The following NRP2 variants were observed in gnomAD, a reference collection of about 807,000 sequenced individuals.
NRP2 encodes the protein neuropilin-2.
NRP2 carries 52 observed loss-of-function variants against 110.4 expected under a neutral mutation model. The ratio of observed to expected loss-of-function variants is 0.47; its 90% CI spans 0.38 to 0.59. NRP2 has a LOEUF of 0.59. Ranked by LOEUF, NRP2 falls within the 20% of genes least tolerant of loss-of-function variation. The probability of loss-of-function intolerance (pLI) is 0.00; values close to 1 mark genes in which losing one functional copy is unlikely to be tolerated. For synonymous variants in NRP2, 508 were observed against 468.9 expected, an observed-to-expected ratio of 1.08 and a Z score of -1.08; for missense variants, 1,049 against 1,203.0, an observed-to-expected ratio of 0.87 and a Z score of 1.89.
chr2:205,777,047 C>T, intron 15 of NRP2: 1 of 1,002,376 alleles, frequency 1.0e-6, no homozygotes, highest in Non-Finnish European at 1.2e-6. Context: ...AGAGAGGGCC[C>T]CTTTAACTCT....
Position 205,763,877 on chromosome 2 carries a change from C to T in NRP2, c.2248C>T (p.Gln750Ter). 1 of 1,614,084 alleles carries T rather than the reference C, an allele frequency of 6.2e-7. No individual in the cohort carries two copies. The highest frequency in any genetic ancestry group is 8.5e-7 in the Non-Finnish European group (1 of 1,179,966). ...SKLLWVIREDQGGEWKHGRII... is the reference protein window; with the variant it reads ...SKLLWVIRED ...GTTGCTGTGGGTCATCCGTGAGGAC[C>T]AGGGCGGCGAGTGGAAGCACGGGCG... is the stretch of plus-strand genomic sequence containing the variant. The change falls in exon 13 of 17, where the codon CAG (glutamine) becomes TAG (stop). Residue 750 changes from glutamine to a stop codon, truncating the protein, a stop_gained. Transcript: ENST00000357785. LOFTEE classifies it high-confidence loss of function. The surrounding 1 kb of genome is among the most constrained non-coding windows in gnomAD (Gnocchi z 4.0).
chr2:205,789,565 G>A (rs2058274642), intron 15 of NRP2, among the ~76,000 whole-genome samples: 1 of 152,188 alleles, frequency 6.6e-6, no homozygotes, highest in Non-Finnish European at 1.5e-5. Flanking sequence ...CGGCAGCTAG[G>A]TCTGCCATCC....
rs1323271636 is a variant in NRP2 at position 205,795,027 on chromosome 2, T to C, written c.2750T>C (p.Met917Thr). ...LYDGLKHKVK[M>T]NHQKCCSEA ...GATGGCCTTAAGCACAAGGTCAAGA[T>C]GAACCACCAAAAGTGCTGCTCCGAG... Residue 917 changes from methionine to threonine, a missense_variant, in exon 17 of 17, where the codon ATG (methionine) becomes ACG (threonine). Met to Thr is a moderately conservative substitution (Grantham distance 81). Coordinates refer to ENST00000357785, the MANE Select transcript of NRP2 (RefSeq NM_003872.3). 2 of 1,614,044 alleles carry C rather than the reference T, an allele frequency of 1.2e-6. No homozygotes were observed. Among genetic ancestry groups the C allele is most frequent in the Non-Finnish European group, 1.7e-6 (2 of 1,180,030 alleles).
intron 12 of NRP2, among the ~76,000 whole-genome samples, chr2:205,759,267 G>T (rs985939225): frequency 1.3e-5 from 2 of 152,222 alleles, no homozygotes; most frequent in Non-Finnish European, 2.9e-5. Context: ...ATGTCTCTAA[G>T]TTGGAAAACA....
At chr2:205,692,561 A>G (rs760697441) in intron 1 of NRP2, among the ~76,000 whole-genome samples, 33 of 152,232 alleles carry the variant, frequency 2.2e-4, no homozygotes, top group Non-Finnish European at 4.6e-4. Context: ...ACATGCTCAC[A>G]CACAGAACTG....
At chr2:205,787,159 G>C (rs556122820) in intron 15 of NRP2, among the ~76,000 whole-genome samples, 233 of 152,282 alleles carry the variant, frequency 1.5e-3, no homozygotes, top group African/African-American at 5.0e-3. Flanking sequence ...CAGAGACCCA[G>C]GGAGGTCAAT....
intron 8 of NRP2, among the ~76,000 whole-genome samples, chr2:205,741,883 C>G (rs1212503636): frequency 3.3e-5 from 5 of 152,222 alleles, no homozygotes; most frequent in African/African-American, 1.2e-4. Flanking sequence ...GAAACCAAGA[C>G]TCAAAGAGGC....
At position 205,796,980 on chromosome 2, in the gene NRP2, A is replaced by G. The variant is rs1461648509; in HGVS notation, c.*1922A>G. ...ATGCTAGTTCAAATGGTAATGTCACAGTGTTTTGTATGCAGAGAGCAAGAG... is the reference window on the plus strand; with the variant it reads ...ATGCTAGTTCAAATGGTAATGTCACGGTGTTTTGTATGCAGAGAGCAAGAG... On this transcript the variant is annotated 3_prime_UTR_variant, in exon 17 of 17. Transcript: ENST00000357785. 1 of 152,674 alleles carries G rather than the reference A, an allele frequency of 6.5e-6. No individual in the cohort carries two copies. The highest frequency in any genetic ancestry group is 2.4e-5 in the African/African-American group (1 of 41,444). 9.5% of individuals were successfully genotyped at this position (152,674 alleles called of 1,614,324 possible). A position where few individuals can be genotyped will look rare whatever the true frequency, so the allele number is the denominator to read the frequency against.
chr2:205,762,447 A>G (rs552396794), intron 12 of NRP2: 1 of 152,328 alleles, frequency 6.6e-6, no homozygotes, highest in Admixed American at 6.5e-5. Flanking sequence ...GGAGTATTGC[A>G]TTGATTCTAG....
chr2:205,746,723 C>T (rs1033710874), intron 10 of NRP2, among the ~76,000 whole-genome samples: 3 of 152,220 alleles, frequency 2.0e-5, no homozygotes, highest in African/African-American at 7.2e-5. Context: ...CCCCAGGTAT[C>T]CCCATTTTCC....
At chr2:205,742,707 C>T (rs564719390) in intron 8 of NRP2, among the ~76,000 whole-genome samples, 1 of 152,356 alleles carries the variant, frequency 6.6e-6, no homozygotes, top group Non-Finnish European at 1.5e-5. Context: ...CAATGTTTAG[C>T]TCAGTTCCCC....
At chr2:205,783,631 G>C (rs949296281) in intron 15 of NRP2, among the ~76,000 whole-genome samples, 1 of 152,256 alleles carries the variant, frequency 6.6e-6, no homozygotes. Flanking sequence ...CCAAAGGAAA[G>C]GCACTAGGCA....
At chr2:205,787,589 G>C (rs915892549) in intron 15 of NRP2, among the ~76,000 whole-genome samples, 2 of 152,184 alleles carry the variant, frequency 1.3e-5, no homozygotes, top group African/African-American at 4.8e-5. Flanking sequence ...TGTAGACACA[G>C]AGCGAAGGCT....
chr2:205,794,311 C>T (rs1450200509), intron 16 of NRP2, among the ~76,000 whole-genome samples: 3 of 152,056 alleles, frequency 2.0e-5, no homozygotes, highest in African/African-American at 7.2e-5. Flanking sequence ...GGGGTTTCAC[C>T]GTGTTAGCCA....
intron 9 of NRP2, 154 bp downstream of exon 9, chr2:205,743,706 C>T: frequency 7.1e-7 from 1 of 1,405,904 alleles, no homozygotes; most frequent in East Asian, 2.5e-5. Flanking sequence ...TTACTTTGTG[C>T]CAGGCACTGT....
intron 12 of NRP2, among the ~76,000 whole-genome samples, chr2:205,755,609 GGAA>G (rs1559350611): frequency 6.9e-6 from 1 of 145,120 alleles, no homozygotes; most frequent in Non-Finnish European, 1.5e-5. Flanking sequence ...TTCTCCATAG[GGAA>G]AAAAAAAAAA....
chr2:205,781,926 A>G (rs920234665), intron 15 of NRP2, among the ~76,000 whole-genome samples: 1 of 152,146 alleles, frequency 6.6e-6, no homozygotes, highest in East Asian at 1.9e-4. Flanking sequence ...GTCAGATACA[A>G]TCAGAAACCC....
intron 12 of NRP2, among the ~76,000 whole-genome samples, chr2:205,760,482 G>A (rs1184914951): frequency 1.3e-5 from 2 of 152,226 alleles, no homozygotes; most frequent in African/African-American, 4.8e-5. Context: ...GATTAGCTCA[G>A]ATGTCAGCAC....
At chr2:205,739,493 A>T (rs189248006) in intron 7 of NRP2, among the ~76,000 whole-genome samples, 504 of 152,264 alleles carry the variant, frequency 3.3e-3, no homozygotes, top group Non-Finnish European at 4.7e-3. Context: ...AGGAGCCGAA[A>T]CATCTAGTTC....
Sources: gnomAD v4.1 joint callset for allele counts (sites outside exome capture counted in the v4.1 genomes callset) on GRCh38, gnomAD v4.1.1 for gene constraint, Gnocchi (gnomAD v3.1) non-coding constraint, MANE v1.5 for transcripts, NCBI Gene and HGNC (gene_info 2026-07-23, HGNC 2026-07-21) for gene names.